Variants in DSCAM observed in about 807,000 individuals in gnomAD.
DSCAM encodes cell adhesion molecule DSCAM.
A neutral mutation model predicts 217.7 loss-of-function variants in DSCAM; 47 were observed. That is an observed-to-expected ratio of 0.22 (90% CI 0.17 to 0.28). The LOEUF is 0.28. Ranked by LOEUF, DSCAM falls within the 10% of genes least tolerant of loss-of-function variation. DSCAM has a pLI of 1.00. For missense variants in DSCAM, 2,080 were observed against 2,618.3 expected, an observed-to-expected ratio of 0.79 and a Z score of 4.49; for synonymous variants, 1,056 against 1,015.3, an observed-to-expected ratio of 1.04 and a Z score of -0.76.
intron 10 of DSCAM, among the ~76,000 whole-genome samples, chr21:40,287,392 G>T (rs1601519400): frequency 3.3e-5 from 5 of 152,192 alleles, no homozygotes; most frequent in Admixed American, 3.3e-4. Context: ...ATTTCTCATG[G>T]TCTTCTGAGA....
intron 1 of DSCAM, among the ~76,000 whole-genome samples, chr21:40,773,749 G>T (rs1487166770): frequency 6.6e-6 from 1 of 152,226 alleles, no homozygotes; most frequent in Non-Finnish European, 1.5e-5. Flanking sequence ...AGGCAGTGTG[G>T]CTGTGAATTC....
chr21:40,669,504 G>T (rs949515995), intron 3 of DSCAM, among the ~76,000 whole-genome samples: 1 of 151,976 alleles, frequency 6.6e-6, no homozygotes, highest in South Asian at 2.1e-4. Context: ...TACACTAGTT[G>T]TCTATAATTC....
In DSCAM at chr21:40,353,530, C is replaced by T. The variant is rs2123649151; in HGVS notation, c.869G>A (p.Ser290Asn). ...IENIRPSDSG[S>N]YVCEVSNRYG... ...TCTGTTGGACACTTCACAAACATAG[C>T]TGCCTGAGTCCGAGGGGCGAATGTT... The change falls in exon 5 of 33, where the codon AGC becomes AAC. Residue 290 changes from serine (S) to asparagine (N), a missense_variant. This residue lies in a region of DSCAM where 568 missense variants were observed against 678.1 expected (regional missense o/e 0.84). Coordinates refer to ENST00000400454, the MANE Select transcript of DSCAM (RefSeq NM_001389.5). The T allele has an allele frequency of 6.2e-7, 1 of 1,612,396 alleles. No individual in the cohort carries two copies. Among genetic ancestry groups the T allele is most frequent in the East Asian group, 2.2e-5 (1 of 44,816 alleles).
intron 1 of DSCAM, among the ~76,000 whole-genome samples, chr21:40,729,099 G>T (rs537820438): frequency 6.6e-6 from 1 of 152,290 alleles, no homozygotes; most frequent in East Asian, 1.9e-4. Context: ...TAAATAATTA[G>T]CTTTTATGGA....
At chr21:40,031,705 G>A (rs1161376070) in intron 32 of DSCAM, among the ~76,000 whole-genome samples, 4 of 152,122 alleles carry the variant, frequency 2.6e-5, no homozygotes, top group Admixed American at 2.6e-4. Context: ...AAGGCCCAGG[G>A]AGCATACAGA....
chr21:40,439,471 A>G (rs2145910596), intron 3 of DSCAM, among the ~76,000 whole-genome samples: 1 of 152,334 alleles, frequency 6.6e-6, no homozygotes, highest in South Asian at 2.1e-4. Flanking sequence ...AACACTTCAG[A>G]TGTTTGAACA....
At chr21:40,249,586 T>C (rs564107064) in intron 11 of DSCAM, among the ~76,000 whole-genome samples, 1 of 152,272 alleles carries the variant, frequency 6.6e-6, no homozygotes, top group South Asian at 2.1e-4. Context: ...TCATGGGAAT[T>C]GTGAAGGGTG....
chr21:40,491,172 CT>C (rs2076073475), intron 3 of DSCAM, among the ~76,000 whole-genome samples: 1 of 152,078 alleles, frequency 6.6e-6, no homozygotes, highest in Admixed American at 6.5e-5. Flanking sequence ...TTCTCTTATT[CT>C]TTTTTAAAAA....
rs77480228 is a variant in DSCAM at position 40,193,372 on chromosome 21, C to T, written c.2357-4134G>A. ...TTCTCATACGGGAAAGAGGCTAACT[C>T]AAGATAATTAGAGATCTCAAAGCCA... is the stretch of plus-strand genomic sequence containing the variant. On this transcript the variant is annotated intron_variant, in intron 11 of 32. Coordinates refer to ENST00000400454, the MANE Select transcript of DSCAM (RefSeq NM_001389.5). Among the ~76,000 whole-genome samples the T allele has an allele frequency of 5.0e-3, 766 of 152,102 alleles. 5 individuals carry two copies. The highest frequency in any genetic ancestry group is 0.014 in the South Asian group (67 of 4,796).
intron 11 of DSCAM, among the ~76,000 whole-genome samples, chr21:40,195,041 A>G (rs936051544): frequency 2.6e-5 from 4 of 152,266 alleles, no homozygotes; most frequent in African/African-American, 9.6e-5. Flanking sequence ...AGATTAAGCT[A>G]AGAGCAATAA....
At chr21:40,684,939 G>A (rs2090457180) in intron 3 of DSCAM, among the ~76,000 whole-genome samples, 1 of 152,112 alleles carries the variant, frequency 6.6e-6, no homozygotes, top group South Asian at 2.1e-4. Flanking sequence ...AACATCACGG[G>A]GAGAGAGAGA....
intron 3 of DSCAM, among the ~76,000 whole-genome samples, chr21:40,591,764 T>C (rs1031806343): frequency 2.0e-5 from 3 of 152,220 alleles, no homozygotes; most frequent in Admixed American, 6.5e-5. Flanking sequence ...CCCTTAACCA[T>C]ATGCCAAGTA....
chr21:40,055,970 C>A (rs116176049), intron 28 of DSCAM, 130 bp from the exon 29 acceptor site: 13,947 of 580,292 alleles, frequency 0.024, 279 homozygotes, highest in African/African-American at 0.06. Flanking sequence ...GAACAGAAAA[C>A]GTACATACTA....
chr21:40,364,974 GAAAAT>G (rs1204780414), intron 4 of DSCAM, among the ~76,000 whole-genome samples: 1 of 149,512 alleles, frequency 6.7e-6, no homozygotes, highest in Admixed American at 6.7e-5. Context: ...CTCTTATACT[GAAAAT>G]AAAAATAAAA....
Position 40,753,455 on chromosome 21 carries a change from G to A in DSCAM, c.44-44684C>T, listed in dbSNP as rs1046864070. On this transcript the variant is annotated intron_variant, in intron 1 of 32. Transcript: ENST00000400454. ...AGAAGGGAGTGAGTAAATTACCTAC[G>A]GAAAGATGAAGCAACACATTTATAC... is the stretch of plus-strand genomic sequence containing the variant. Among the ~76,000 whole-genome samples the A allele has an allele frequency of 2.1e-4, 32 of 152,238 alleles. 1 individual carries two copies. The highest frequency in any genetic ancestry group is 6.3e-4 in the African/African-American group (26 of 41,530).
chr21:40,421,563 G>A (rs2075424447), intron 3 of DSCAM, among the ~76,000 whole-genome samples: 1 of 152,226 alleles, frequency 6.6e-6, no homozygotes, highest in African/African-American at 2.4e-5. Flanking sequence ...CCAGCGCTGT[G>A]TGTTTTGAGG....
At chr21:40,795,739 A>G (rs1030495636) in intron 1 of DSCAM, among the ~76,000 whole-genome samples, 1 of 152,224 alleles carries the variant, frequency 6.6e-6, no homozygotes, top group Non-Finnish European at 1.5e-5. Context: ...AGAAAATATG[A>G]TGGCCAGGAA....
chr21:40,706,503 A>G (rs2090719372), intron 2 of DSCAM, among the ~76,000 whole-genome samples: 2 of 152,218 alleles, frequency 1.3e-5, no homozygotes, highest in Admixed American at 6.5e-5. Context: ...TTGTGCTGCC[A>G]AGGGAAAGAT....
At chr21:40,331,690 A>T (rs747921656) in intron 8 of DSCAM, among the ~76,000 whole-genome samples, 11 of 152,218 alleles carry the variant, frequency 7.2e-5, no homozygotes, top group Non-Finnish European at 1.2e-4. Flanking sequence ...ATGCTGGTAC[A>T]TTAAAATGAG....
Sources: gnomAD v4.1 joint callset for allele counts (sites outside exome capture counted in the v4.1 genomes callset) on GRCh38, gnomAD v4.1.1 for gene constraint, gnomAD v4.1.1 regional missense constraint, MANE v1.5 for transcripts, NCBI Gene and HGNC (gene_info 2026-07-23, HGNC 2026-07-21) for gene names.